Variants in ATP9B observed in about 807,000 individuals in gnomAD.
ATP9B encodes probable phospholipid-transporting ATPase IIB.
A neutral mutation model predicts 146.1 loss-of-function variants in ATP9B; 110 were observed. The ratio of observed to expected loss-of-function variants is 0.75; its 90% CI spans 0.65 to 0.88. ATP9B has a LOEUF of 0.88. Among genes scored for constraint, ATP9B ranks in the 40% least tolerant of loss-of-function variants. The pLI is 0.00. For synonymous variants in ATP9B, 604 were observed against 569.7 expected, an observed-to-expected ratio of 1.06 and a Z score of -0.86; for missense variants, 1,499 against 1,496.4, an observed-to-expected ratio of 1.00 and a Z score of -0.03.
At chr18:79,268,131 A>C (rs2096222252) in intron 12 of ATP9B, among the ~76,000 whole-genome samples, 1 of 152,082 alleles carries the variant, frequency 6.6e-6, no homozygotes, top group Non-Finnish European at 1.5e-5. Flanking sequence ...TTTGCATTAA[A>C]TTCTACTTTG....
chr18:79,260,950 T>A (rs772488662), intron 12 of ATP9B, among the ~76,000 whole-genome samples: 3 of 152,236 alleles, frequency 2.0e-5, no homozygotes, highest in Non-Finnish European at 2.9e-5. Flanking sequence ...TATTTATCCT[T>A]GTCCCACCAC....
intron 8 of ATP9B, among the ~76,000 whole-genome samples, chr18:79,190,511 T>TACATACAC: frequency 7.0e-6 from 1 of 143,668 alleles, no homozygotes; most frequent in African/African-American, 2.7e-5. Context: ...TTTTTATTTA[T>TACATACAC]ACACACACAC....
At chr18:79,361,433 A>T (rs919769298) in intron 26 of ATP9B, 3 of 151,908 alleles carry the variant, frequency 2.0e-5, no homozygotes, top group African/African-American at 7.3e-5. Context: ...GTTGGATCTC[A>T]TTAAGGGTAT....
intron 5 of ATP9B, among the ~76,000 whole-genome samples, chr18:79,134,601 G>C (rs114864885): frequency 1.3e-5 from 2 of 152,356 alleles, no homozygotes; most frequent in East Asian, 3.9e-4. Context: ...GCACCAGTTT[G>C]CGTTTCCATT....
At chr18:79,344,387 T>G in intron 21 of ATP9B, 33 bp downstream of exon 21, 2 of 1,599,728 alleles carry the variant, frequency 1.3e-6, no homozygotes, top group South Asian at 2.2e-5. Context: ...TACATGTCTG[T>G]CTGTGTCTCT....
intron 26 of ATP9B, among the ~76,000 whole-genome samples, chr18:79,366,112 T>G (rs904381546): frequency 6.6e-5 from 10 of 152,238 alleles, no homozygotes; most frequent in African/African-American, 2.4e-4. Context: ...TTGATTCTTT[T>G]TACCGGACAC....
chr18:79,197,141 A>ATGGAT, intron 9 of ATP9B, among the ~76,000 whole-genome samples: 1 of 152,352 alleles, frequency 6.6e-6, no homozygotes. Flanking sequence ...TCTGATCACA[A>ATGGAT]TGCAATAAAA....
intron 7 of ATP9B, among the ~76,000 whole-genome samples, chr18:79,175,907 T>C (rs139067206): frequency 1.0e-3 from 154 of 152,360 alleles, no homozygotes; most frequent in African/African-American, 3.5e-3. Context: ...TATACAGTTA[T>C]ATATGCATAG....
intron 9 of ATP9B, among the ~76,000 whole-genome samples, chr18:79,202,075 G>A (rs969123426): frequency 7.2e-5 from 11 of 151,892 alleles, no homozygotes; most frequent in African/African-American, 1.5e-4. Context: ...ATATATATAC[G>A]GAATTAGAGA....
intron 11 of ATP9B, among the ~76,000 whole-genome samples, chr18:79,235,976 G>T (rs1433576175): frequency 6.6e-6 from 1 of 151,964 alleles, no homozygotes; most frequent in South Asian, 2.1e-4. Flanking sequence ...AGATCTCTTG[G>T]TGCAGTCTGC....
intron 5 of ATP9B, 103 bp from the exon 6 acceptor site, chr18:79,143,699 T>C (rs1173081458): frequency 2.8e-6 from 2 of 718,138 alleles, no homozygotes; most frequent in Non-Finnish European, 4.3e-6. Flanking sequence ...TCTAAAGTTT[T>C]TTTTTCTGTA....
Position 79,110,401 on chromosome 18 carries a change from A to T in ATP9B, c.340A>T (p.Lys114Ter). Residue 114 changes from lysine (K) to a stop codon, truncating the protein, a stop_gained, in exon 3 of 30, where the codon AAA (lysine) becomes TAA (stop). Coordinates refer to ENST00000426216, the MANE Select transcript of ATP9B (RefSeq NM_198531.5). LOFTEE classifies it high-confidence loss of function. ...INICRRKKEL[K>*]ARTVWLGCPE... Reference sequence around the variant, plus strand: ...TATTTGTCGAAGAAAGAAAGAGCTGAAAGCTCGCACAGTATGGCTTGGATG... The same window carrying T: ...TATTTGTCGAAGAAAGAAAGAGCTGTAAGCTCGCACAGTATGGCTTGGATG... 1 of 1,609,244 alleles carries T rather than the reference A, an allele frequency of 6.2e-7. No homozygotes were observed. Among genetic ancestry groups the T allele is most frequent in the Non-Finnish European group, 8.5e-7 (1 of 1,177,338 alleles).
At chr18:79,233,927 C>T (rs529726416) in intron 11 of ATP9B, among the ~76,000 whole-genome samples, 13 of 152,316 alleles carry the variant, frequency 8.5e-5, no homozygotes, top group African/African-American at 2.9e-4. Flanking sequence ...GTTATATTCA[C>T]GCTTCATTCA....
At chr18:79,319,179 G>A (rs1199935511) in intron 15 of ATP9B, among the ~76,000 whole-genome samples, 1 of 152,170 alleles carries the variant, frequency 6.6e-6, no homozygotes, top group Admixed American at 6.5e-5. Flanking sequence ...CAGGCAAGTT[G>A]GAGACCCATG....
intron 1 of ATP9B, among the ~76,000 whole-genome samples, chr18:79,089,293 A>C (rs2074114409): frequency 6.6e-6 from 1 of 152,240 alleles, no homozygotes; most frequent in Non-Finnish European, 1.5e-5. Context: ...TGTGAAAACA[A>C]AAATTATTCC....
At chr18:79,125,708 A>G (rs1241971577) in intron 4 of ATP9B, among the ~76,000 whole-genome samples, 2 of 152,186 alleles carry the variant, frequency 1.3e-5, no homozygotes, top group Non-Finnish European at 2.9e-5. Flanking sequence ...ATTTTTTTCT[A>G]GCTAGCATCA....
At chr18:79,264,146 T>C (rs9952295) in intron 12 of ATP9B, among the ~76,000 whole-genome samples, 141,545 of 152,300 alleles carry the variant, frequency 0.93, 65,848 homozygotes, top group East Asian at 1. Flanking sequence ...GTGTTATTTG[T>C]CAAATTTACC....
intron 1 of ATP9B, among the ~76,000 whole-genome samples, chr18:79,078,661 C>G (rs2072898953): frequency 1.4e-5 from 2 of 144,772 alleles, no homozygotes; most frequent in Non-Finnish European, 3.0e-5. Context: ...GTGTATAGTT[C>G]AGTTTTTTTT....
intron 5 of ATP9B, among the ~76,000 whole-genome samples, chr18:79,132,112 C>T (rs34639807): frequency 0.061 from 9,279 of 152,094 alleles, 365 homozygotes; most frequent in Non-Finnish European, 0.092. Context: ...ATGTTACGTA[C>T]GTTTCACCCA....
Sources: allele counts gnomAD v4.1 joint callset (sites outside exome capture counted in the v4.1 genomes callset), GRCh38; gene constraint gnomAD v4.1.1; transcripts MANE v1.5; gene names NCBI Gene and HGNC (gene_info 2026-07-23, HGNC 2026-07-21).